The following ZNF385D variants were observed in gnomAD, a reference collection of about 807,000 sequenced individuals.
The protein encoded by ZNF385D is zinc finger protein 385D.
Under a neutral mutation model 35.8 loss-of-function variants are expected in ZNF385D, and 15 were observed. The observed-to-expected ratio is 0.42, with a 90% CI of 0.28 to 0.64. The LOEUF (loss-of-function observed/expected upper bound fraction) is 0.64, where lower values mean the gene tolerates loss of function less well. ZNF385D is among the 30% of genes least tolerant of loss of function. The pLI, the probability that ZNF385D is intolerant of heterozygous loss-of-function variation, is 0.23. For synonymous variants in ZNF385D, 212 were observed against 186.8 expected (o/e 1.13, Z -1.10); for missense variants, 474 against 494.6 (o/e 0.96, Z 0.39).
chr3:22,339,057 A>G (rs1575150942), intron 2 of ZNF385D, among the ~76,000 whole-genome samples: 1 of 152,262 alleles, frequency 6.6e-6, no homozygotes, highest in East Asian at 1.9e-4. Flanking sequence ...ATATAGAGAG[A>G]TGATAGGCAC....
chr3:21,756,059 T>C (rs1324022936), upstream of ZNF385D, among the ~76,000 whole-genome samples: 2 of 152,194 alleles, frequency 1.3e-5, no homozygotes, highest in African/African-American at 4.8e-5. Flanking sequence ...GATATAACTT[T>C]GGAGCAACGT....
At chr3:21,573,926 G>A (rs948379314) in intron 2 of ZNF385D, among the ~76,000 whole-genome samples, 5 of 151,940 alleles carry the variant, frequency 3.3e-5, no homozygotes, top group African/African-American at 4.8e-5. Flanking sequence ...TGGGTGTGGT[G>A]GCGGGCGCTT....
chr3:22,089,512 G>T (rs1365746097), intron 3 of ZNF385D, among the ~76,000 whole-genome samples: 1 of 152,150 alleles, frequency 6.6e-6, no homozygotes, highest in East Asian at 1.9e-4. Context: ...CCAGCAGTGT[G>T]CATGGCTTCT....
intron 5 of ZNF385D, among the ~76,000 whole-genome samples, chr3:21,428,933 C>CTTTTTTTTTT (rs56827844): frequency 9.8e-5 from 11 of 112,046 alleles, no homozygotes; most frequent in South Asian, 2.9e-4. Flanking sequence ...CCAAGAAATC[C>CTTTTTTTTTT]TTTTTTTTTT....
At chr3:22,079,048 G>A (rs1009625223) in intron 3 of ZNF385D, among the ~76,000 whole-genome samples, 2 of 152,028 alleles carry the variant, frequency 1.3e-5, no homozygotes, top group South Asian at 4.1e-4. Context: ...GAAAGATGTA[G>A]AAGACAGAAG....
chr3:21,955,353 G>C (rs888789345), intron 3 of ZNF385D, among the ~76,000 whole-genome samples: 2 of 152,022 alleles, frequency 1.3e-5, no homozygotes, highest in Non-Finnish European at 2.9e-5. Flanking sequence ...AAGCTACATG[G>C]AAAATGCAGG....
chr3:21,696,802 A>G (rs1392797978), intron 1 of ZNF385D, among the ~76,000 whole-genome samples: 6 of 152,236 alleles, frequency 3.9e-5, no homozygotes, highest in Non-Finnish European at 8.8e-5. Context: ...CCCATAAATC[A>G]GTAGAGCATA....
At chr3:21,858,126 C>G (rs1054789461) in intron 3 of ZNF385D, among the ~76,000 whole-genome samples, 2 of 142,700 alleles carry the variant, frequency 1.4e-5, no homozygotes, top group African/African-American at 5.3e-5. Flanking sequence ...GGTGCTACTG[C>G]ACTCATGCCT....
At chr3:22,103,186 G>A (rs948207394) in intron 3 of ZNF385D, among the ~76,000 whole-genome samples, 1 of 147,692 alleles carries the variant, frequency 6.8e-6, no homozygotes. Flanking sequence ...TGATCACTGC[G>A]AAAGGACTCA....
At chr3:22,370,471 A>C (rs912096132) in intron 2 of ZNF385D, among the ~76,000 whole-genome samples, 1 of 152,104 alleles carries the variant, frequency 6.6e-6, no homozygotes, top group African/African-American at 2.4e-5. Flanking sequence ...CACATCTACA[A>C]ATTCTGCATT....
intron 3 of ZNF385D, among the ~76,000 whole-genome samples, chr3:21,937,115 A>C (rs1701300202): frequency 6.6e-6 from 1 of 152,224 alleles, no homozygotes; most frequent in South Asian, 2.1e-4. Flanking sequence ...AAAGAAAAAA[A>C]ATATTTTTTG....
intron 2 of ZNF385D, among the ~76,000 whole-genome samples, chr3:22,290,078 G>T (rs539428417): frequency 5.1e-4 from 77 of 152,240 alleles, no homozygotes; most frequent in African/African-American, 1.8e-3. Flanking sequence ...ACATTGTTTT[G>T]TGTTCTAGGG....
intron 2 of ZNF385D, among the ~76,000 whole-genome samples, chr3:22,193,877 C>A (rs892176748): frequency 1.3e-5 from 2 of 151,908 alleles, no homozygotes; most frequent in Non-Finnish European, 2.9e-5. Context: ...ATGATTATAA[C>A]CGCTTTTAGA....
intron 3 of ZNF385D, among the ~76,000 whole-genome samples, chr3:22,120,842 T>C (rs944393894): frequency 2.6e-5 from 4 of 152,160 alleles, no homozygotes; most frequent in African/African-American, 4.8e-5. Flanking sequence ...AAACAAGCCC[T>C]TGAAAAGTAT....
chr3:22,079,658 G>T (rs964701791), intron 3 of ZNF385D, among the ~76,000 whole-genome samples: 1 of 151,682 alleles, frequency 6.6e-6, no homozygotes, highest in Non-Finnish European at 1.5e-5. Flanking sequence ...AGATTATTTT[G>T]GTTTCATTGA....
intron 3 of ZNF385D, among the ~76,000 whole-genome samples, chr3:21,938,538 T>C (rs1200589267): frequency 1.3e-5 from 2 of 152,188 alleles, no homozygotes; most frequent in African/African-American, 2.4e-5. Context: ...GCATGGGATT[T>C]TTCTCCACTC....
At chr3:22,273,477 A>T (rs534050606) in intron 2 of ZNF385D, among the ~76,000 whole-genome samples, 1 of 152,118 alleles carries the variant, frequency 6.6e-6, no homozygotes, top group South Asian at 2.1e-4. Flanking sequence ...GAATGGGTAG[A>T]GGCCAGAGAA....
At chr3:22,290,897 A>C (rs1335564241) in intron 2 of ZNF385D, among the ~76,000 whole-genome samples, 1 of 152,070 alleles carries the variant, frequency 6.6e-6, no homozygotes, top group African/African-American at 2.4e-5. Flanking sequence ...AAGATTTCCT[A>C]AATTATTTCC....
chr3:21,993,169 G>C (rs1695246170), intron 3 of ZNF385D, among the ~76,000 whole-genome samples: 2 of 152,128 alleles, frequency 1.3e-5, no homozygotes, highest in African/African-American at 2.4e-5. Flanking sequence ...GGAAAACAAA[G>C]CATGTGAATA....
Sources: allele counts gnomAD v4.1 joint callset (sites outside exome capture counted in the v4.1 genomes callset), GRCh38; gene constraint gnomAD v4.1.1; transcripts MANE v1.5; gene names NCBI Gene and HGNC (gene_info 2026-07-23, HGNC 2026-07-21).